KLHL31: variants seen among roughly 807,000 people sequenced by gnomAD.
KLHL31 encodes kelch-like protein 31.
A neutral mutation model predicts 47.1 loss-of-function variants in KLHL31; 32 were observed. That is an observed-to-expected ratio of 0.68 (90% CI 0.51 to 0.91). The LOEUF (loss-of-function observed/expected upper bound fraction) is 0.91, where lower values mean the gene tolerates loss of function less well. Ranked by LOEUF, KLHL31 falls within the 40% of genes least tolerant of loss-of-function variation. KLHL31 has a pLI of 0.00. For missense variants in KLHL31, 797 were observed against 819.3 expected (o/e 0.97, Z 0.33); for synonymous variants, 330 against 325.1 (o/e 1.01, Z -0.16).
chr6:53,654,187 C>T lies in KLHL31; in HGVS notation c.1086G>A (p.Val362=), dbSNP rs1010410547. 45 of 1,614,060 alleles carry T rather than the reference C, an allele frequency of 2.8e-5. No homozygotes were observed. Among genetic ancestry groups the T allele is most frequent in the Non-Finnish European group, 3.6e-5 (42 of 1,180,026 alleles). ...PAKSFNQCVA[V]MDGFLYVAGG... ...CGGCTACATAAAGAAATCCATCCATCACAGCCACACACTGATTAAAACTTT... is the reference window on the plus strand; with the variant it reads ...CGGCTACATAAAGAAATCCATCCATTACAGCCACACACTGATTAAAACTTT... The change falls in exon 2 of 3, where the codon GTG becomes GTA. Residue 362 remains valine (V), a synonymous_variant. Transcript: ENST00000370905.
chr6:53,657,085 A>ACTAT (rs1174874517), intron 1 of KLHL31, among the ~76,000 whole-genome samples: 2 of 151,864 alleles, frequency 1.3e-5, no homozygotes, highest in East Asian at 3.9e-4. Context: ...GGTGCATGAC[A>ACTAT]CTATCTATGC....
intron 1 of KLHL31, among the ~76,000 whole-genome samples, chr6:53,661,862 G>A (rs1247354437): frequency 6.6e-6 from 1 of 152,186 alleles, no homozygotes; most frequent in East Asian, 1.9e-4. Flanking sequence ...TTCATATATA[G>A]AGTATAACCT....
rs1764425962 is a variant in KLHL31, at chr6:53,648,623, C to A, written c.*2975G>T. 1 of 152,152 alleles carries A rather than the reference C, an allele frequency of 6.6e-6. No homozygotes were observed. The highest frequency in any genetic ancestry group is 1.5e-5 in the Non-Finnish European group (1 of 68,016). The allele number at this position is 152,152 out of a possible 1,614,324, so 9.4% of individuals were successfully genotyped here. On this transcript the variant is annotated 3_prime_UTR_variant, in exon 3 of 3. Coordinates refer to ENST00000370905, the MANE Select transcript of KLHL31 (RefSeq NM_001003760.5). ...ATCAATTATACCTCCTCACTCATAA[C>A]ACTTCACTACCATCTAATCATGTTT...
chr6:53,652,056 C>T lies in KLHL31; in HGVS notation c.1447G>A (p.Val483Met). The change falls in exon 3 of 3, where the codon GTG (valine) becomes ATG (methionine). Residue 483 changes from valine (V) to methionine (M), a missense_variant. Coordinates refer to ENST00000370905, the MANE Select transcript of KLHL31 (RefSeq NM_001003760.5). ...TCGCTGGCCGGGTCGTAGGCGCACA[C>T]AGAGCGCGAGTAGGCGTTGGCTATG... ...GYIANAYSRS[V>M]CAYDPASDSW... is the part of the protein sequence containing the mutation. 1 of 1,595,244 alleles carries T rather than the reference C, an allele frequency of 6.3e-7. No homozygotes were observed. Among genetic ancestry groups the T allele is most frequent in the Non-Finnish European group, 8.5e-7 (1 of 1,176,222 alleles).
chr6:53,647,937 T>C lies in KLHL31; in HGVS notation c.*3661A>G, dbSNP rs1454010337. 6.5e-6 allele frequency: 1 copy of C among 152,676 alleles called. No individual in the cohort carries two copies. The highest frequency in any genetic ancestry group is 6.5e-5 in the Admixed American group (1 of 15,284). The allele number at this position is 152,676 out of a possible 1,614,324, so 9.5% of individuals were successfully genotyped here. A position where few individuals can be genotyped will look rare whatever the true frequency, so the allele number is the denominator to read the frequency against. ...TGACTAAGGTCTTATTGAATGCAGC[T>C]TTATTGATAGTGATGAGATTACAAA... On this transcript the variant is annotated 3_prime_UTR_variant, in exon 3 of 3. Coordinates refer to ENST00000370905, the MANE Select transcript of KLHL31 (RefSeq NM_001003760.5).
chr6:53,662,995 A>G lies in KLHL31; in HGVS notation c.-34+2606T>C, dbSNP rs550291998. ...TGGGTTAAGCACTTTACATCATTTT[A>G]GTTTTTAAATTTAAATATTACAGAT... On this transcript the variant is annotated intron_variant, in intron 1 of 2. Transcript: ENST00000370905. Among the ~76,000 whole-genome samples, 7 of 152,298 alleles carry G rather than the reference A, an allele frequency of 4.6e-5. No homozygotes were observed. The East Asian group carries it at 1.3e-3, about 29-fold the overall frequency.
At position 53,654,874 on chromosome 6, in the gene KLHL31, G is replaced by C. The variant is rs746669671; in HGVS notation, c.399C>G (p.Leu133=). The C allele has an allele frequency of 1.2e-6, 2 of 1,614,170 alleles. No homozygotes were observed. The highest frequency in any genetic ancestry group is 1.7e-6 in the Non-Finnish European group (2 of 1,180,016). ...TTCCTATTGTATACAAGGAGAGAGT[G>C]AGCTTTCCAGTGTAGGCATATGCAA... ...TVIAYAYTGK[L]TLSLYTIGSI... is the part of the protein sequence containing the mutation. Residue 133 remains leucine, a synonymous_variant, in exon 2 of 3, where the codon CTC becomes CTG. Coordinates refer to ENST00000370905, the MANE Select transcript of KLHL31 (RefSeq NM_001003760.5).
intron 1 of KLHL31, among the ~76,000 whole-genome samples, chr6:53,656,931 C>CTTTTTTTTTTTTTTTT (rs10665063): frequency 2.0e-5 from 2 of 98,438 alleles, no homozygotes; most frequent in Non-Finnish European, 3.8e-5. Flanking sequence ...GTATTTTTAA[C>CTTTTTTTTTTTTTTTT]TTTTTTTTTT....
intron 1 of KLHL31, among the ~76,000 whole-genome samples, chr6:53,658,570 G>A (rs1035055496): frequency 5.9e-5 from 9 of 152,106 alleles, no homozygotes; most frequent in African/African-American, 1.9e-4. Flanking sequence ...ATAATAGACC[G>A]AGGAGAGGGT....
Position 53,650,111 on chromosome 6 carries a change from C to T in KLHL31, c.*1487G>A, listed in dbSNP as rs984871331. ...CACAAGGTGGAGAGGATGAGATTAA[C>T]AAAAACCAAATTATATTTCCATATA... On this transcript the variant is annotated 3_prime_UTR_variant, in exon 3 of 3. Coordinates refer to ENST00000370905, the MANE Select transcript of KLHL31 (RefSeq NM_001003760.5). 1 of 152,150 alleles carries T rather than the reference C, an allele frequency of 6.6e-6. No individual in the cohort carries two copies. Among genetic ancestry groups the T allele is most frequent in the African/African-American group, 2.4e-5 (1 of 41,446 alleles). The allele number at this position is 152,150 out of a possible 1,614,324, so 9.4% of individuals were successfully genotyped here. A position where few individuals can be genotyped will look rare whatever the true frequency, so the allele number is the denominator to read the frequency against.
intron 1 of KLHL31, among the ~76,000 whole-genome samples, chr6:53,658,676 G>A (rs1361256100): frequency 6.6e-6 from 1 of 152,080 alleles, no homozygotes; most frequent in Non-Finnish European, 1.5e-5. Flanking sequence ...AGGGATCTTA[G>A]TATTTCAGCA....
chr6:53,659,172 T>C (rs1401249188), intron 1 of KLHL31, among the ~76,000 whole-genome samples: 4 of 152,188 alleles, frequency 2.6e-5, no homozygotes, highest in African/African-American at 9.7e-5. Context: ...CACCACATCA[T>C]GGACAAACAG....
rs759076475 is a variant in KLHL31 at position 53,651,399 on chromosome 6, TAAAAAAAA to T, written c.*191_*198del. On this transcript the variant is annotated 3_prime_UTR_variant, in exon 3 of 3. Coordinates refer to ENST00000370905, the MANE Select transcript of KLHL31 (RefSeq NM_001003760.5). ...TGTTGGCCATTGCCCTGTATTTTGC[TAAAAAAAA>T]AAAAAAAAAAAAGAGGTAGATTATG... is the stretch of plus-strand genomic sequence containing the variant. 1.7e-4 allele frequency: 11 copies of T among 66,138 alleles called. No homozygotes were observed. The highest frequency in any genetic ancestry group is 5.4e-4 in the East Asian group (1 of 1,838). 4.1% of individuals were successfully genotyped at this position (66,138 alleles called of 1,614,324 possible). A position where few individuals can be genotyped will look rare whatever the true frequency, so the allele number is the denominator to read the frequency against.
At chr6:53,656,619 G>T (rs1480676586) in intron 1 of KLHL31, among the ~76,000 whole-genome samples, 2 of 151,916 alleles carry the variant, frequency 1.3e-5, no homozygotes, top group Non-Finnish European at 2.9e-5. Flanking sequence ...CAATGAGAAA[G>T]AACTTGTAAT....
Position 53,651,421 on chromosome 6 carries a change from A to AAAAAAAAAAAAATT in KLHL31, c.*176_*177insAATTTTTTTTTTTT. On this transcript the variant is annotated 3_prime_UTR_variant, in exon 3 of 3. Transcript: ENST00000370905. ...TGCTAAAAAAAAAAAAAAAAAAAAG[A>AAAAAAAAAAAAATT]GGTAGATTATGCCATACCAGGAATT... 3 of 364,526 alleles carry AAAAAAAAAAAAATT rather than the reference A, an allele frequency of 8.2e-6. No homozygotes were observed. Among genetic ancestry groups the AAAAAAAAAAAAATT allele is most frequent in the Non-Finnish European group, 1.5e-5 (3 of 202,104 alleles). The allele number at this position is 364,526 out of a possible 1,614,324, so 22.6% of individuals were successfully genotyped here.
chr6:53,665,589 C>T lies in KLHL31; in HGVS notation c.-34+12G>A, dbSNP rs1359218679. The T allele has an allele frequency of 6.6e-6, 1 of 152,440 alleles. No homozygotes were observed. Among genetic ancestry groups the T allele is most frequent in the Admixed American group, 6.5e-5 (1 of 15,274 alleles). The allele number at this position is 152,440 out of a possible 1,614,324, so 9.4% of individuals were successfully genotyped here. On this transcript the variant is annotated intron_variant, in intron 1 of 2. Transcript: ENST00000370905. ...AAGGCAGGAATTGGCGACTCTGGTCCCAGCTCCTTACCCTCCTTGGGTGAA... is the reference window on the plus strand; with the variant it reads ...AAGGCAGGAATTGGCGACTCTGGTCTCAGCTCCTTACCCTCCTTGGGTGAA...
chr6:53,651,911 T>A lies in KLHL31; in HGVS notation c.1592A>T (p.Asp531Val). The part of the protein sequence containing the change: ...SQLGPRGERV[D>V]VLTVECYSPA... ...GCTGTAGCACTCCACGGTGAGCACG[T>A]CCACGCGCTCCCCGCGCGGCCCCAG... The change falls in exon 3 of 3, where the codon GAC becomes GTC. Residue 531 changes from aspartate (D) to valine (V), a missense_variant. Coordinates refer to ENST00000370905, the MANE Select transcript of KLHL31 (RefSeq NM_001003760.5). 6.3e-7 allele frequency: 1 copy of A among 1,590,610 alleles called. No homozygotes were observed. Among genetic ancestry groups the A allele is most frequent in the Non-Finnish European group, 8.5e-7 (1 of 1,174,862 alleles).
chr6:53,654,748 A>C lies in KLHL31; in HGVS notation c.525T>G (p.Val175=). The C allele has an allele frequency of 6.2e-7, 1 of 1,614,188 alleles. No individual in the cohort carries two copies. The highest frequency in any genetic ancestry group is 8.5e-7 in the Non-Finnish European group (1 of 1,180,040). The change falls in exon 2 of 3, where the codon GTT becomes GTG. Residue 175 remains valine, a synonymous_variant. Transcript: ENST00000370905. ...GGGAGTATGTTTCAGCAATATTAACAACATACATGCAATTCTCAACACTCA... is the reference window on the plus strand; with the variant it reads ...GGGAGTATGTTTCAGCAATATTAACCACATACATGCAATTCTCAACACTCA... ...REMSVENCMY[V]VNIAETYSLK...
Position 53,651,910 on chromosome 6 carries a change from G to A in KLHL31, c.1593C>T (p.Asp531=). The change falls in exon 3 of 3, where the codon GAC becomes GAT. Residue 531 remains aspartate, a synonymous_variant. Transcript: ENST00000370905. ...SQLGPRGERV[D]VLTVECYSPA... Reference sequence around the variant, plus strand: ...GGCTGTAGCACTCCACGGTGAGCACGTCCACGCGCTCCCCGCGCGGCCCCA... The same window carrying A: ...GGCTGTAGCACTCCACGGTGAGCACATCCACGCGCTCCCCGCGCGGCCCCA... 2 of 1,591,040 alleles carry A rather than the reference G, an allele frequency of 1.3e-6. No individual in the cohort carries two copies. The highest frequency in any genetic ancestry group is 1.7e-5 in the Admixed American group (1 of 58,574).
Sources: allele counts gnomAD v4.1 joint callset (sites outside exome capture counted in the v4.1 genomes callset), GRCh38; gene constraint gnomAD v4.1.1; transcripts MANE v1.5; gene names NCBI Gene and HGNC (gene_info 2026-07-23, HGNC 2026-07-21).